Variants in C12orf50 observed in about 807,000 individuals in gnomAD.
C12orf50 encodes uncharacterized protein C12orf50.
C12orf50 carries 35 observed loss-of-function variants against 61.6 expected under a neutral mutation model. The ratio of observed to expected loss-of-function variants is 0.57; its 90% confidence interval spans 0.43 to 0.75. The LOEUF is 0.75. C12orf50 is among the 30% of genes least tolerant of loss of function. The pLI, the probability that C12orf50 is intolerant of heterozygous loss-of-function variation, is 0.00. For synonymous variants in C12orf50, 178 were observed against 161.5 expected (o/e 1.10, Z -0.77); for missense variants, 475 against 488.5 (o/e 0.97, Z 0.26).
intron 11 of C12orf50, chr12:87,983,923 T>A (rs1013654890): frequency 1.8e-5 from 2 of 111,490 alleles, no homozygotes; most frequent in African/African-American, 5.0e-5. Flanking sequence ...GATGGCTGGG[T>A]CAAATGGTAT....
chr12:88,010,681 A>T (rs1458568521), intron 3 of C12orf50, among the ~76,000 whole-genome samples: 1 of 151,884 alleles, frequency 6.6e-6, no homozygotes, highest in Non-Finnish European at 1.5e-5. Flanking sequence ...AATAAAGACC[A>T]CTGCTCATCA....
intron 3 of C12orf50, among the ~76,000 whole-genome samples, chr12:88,006,225 T>A (rs1199655673): frequency 1.3e-5 from 2 of 152,122 alleles, no homozygotes; most frequent in Non-Finnish European, 2.9e-5. Context: ...CCAAAAGAAC[T>A]CTTTTTAACT....
chr12:88,006,226 C>G (rs188600740), intron 3 of C12orf50, among the ~76,000 whole-genome samples: 1 of 152,054 alleles, frequency 6.6e-6, no homozygotes, highest in Non-Finnish European at 1.5e-5. Context: ...CAAAAGAACT[C>G]TTTTTAACTG....
At chr12:87,980,579 C>T (rs2030410194) in intron 12 of C12orf50, among the ~76,000 whole-genome samples, 1 of 152,056 alleles carries the variant, frequency 6.6e-6, no homozygotes, top group African/African-American at 2.4e-5. Context: ...ATGGAAGTGA[C>T]ACCGTATATA....
intron 3 of C12orf50, among the ~76,000 whole-genome samples, chr12:88,018,480 G>C (rs1243837403): frequency 6.6e-6 from 1 of 152,248 alleles, no homozygotes; most frequent in Admixed American, 6.5e-5. Context: ...CAGTGTGGAA[G>C]GGAAATGTGG....
intron 11 of C12orf50, 140 bp from the exon 12 acceptor site, chr12:87,983,335 G>T (rs74825561): frequency 2.1e-6 from 1 of 472,686 alleles, no homozygotes; most frequent in Non-Finnish European, 3.7e-6. Flanking sequence ...AGGCATCAGG[G>T]ATACAAGTGA....
intron 3 of C12orf50, among the ~76,000 whole-genome samples, chr12:88,014,777 C>A (rs184336409): frequency 6.6e-6 from 1 of 152,050 alleles, no homozygotes; most frequent in Non-Finnish European, 1.5e-5. Flanking sequence ...AAATCAGGCA[C>A]GAAAATTATC....
At chr12:88,019,179 G>A (rs368476550) in intron 3 of C12orf50, among the ~76,000 whole-genome samples, 4 of 150,872 alleles carry the variant, frequency 2.7e-5, no homozygotes, top group Admixed American at 6.6e-5. Context: ...TCGATGGGAG[G>A]TAATTGAATC....
Position 87,996,588 on chromosome 12 carries a change from C to T in C12orf50, c.348G>A (p.Lys116=). The T allele has an allele frequency of 6.2e-7, 1 of 1,609,020 alleles. No individual in the cohort carries two copies. Among genetic ancestry groups the T allele is most frequent in the Admixed American group, 1.7e-5 (1 of 59,950 alleles). The stretch of plus-strand genomic sequence containing the variant: ...TCTTACCAGATTTATAACACATCTC[C>T]TTTATTGCTCTTTTTTCTTCAATTT... The part of the protein sequence containing the change: ...PEEIEEKRAI[K]EMCYKSGEYY... Residue 116 remains lysine (K), a synonymous_variant, in exon 5 of 13, where the codon AAG becomes AAA. Coordinates refer to ENST00000298699, the MANE Select transcript of C12orf50 (RefSeq NM_152589.3).
intron 3 of C12orf50, among the ~76,000 whole-genome samples, chr12:88,015,392 A>T (rs2032274857): frequency 6.6e-6 from 1 of 152,250 alleles, no homozygotes; most frequent in South Asian, 2.1e-4. Context: ...TTTAATTTAA[A>T]GTGGCCAAAT....
At position 87,996,393 on chromosome 12, in the gene C12orf50, A is replaced by G. The variant is rs770146163; in HGVS notation, c.462T>C (p.Asn154=). The G allele has an allele frequency of 3.7e-6, 6 of 1,611,582 alleles. No individual in the cohort carries two copies. The highest frequency in any genetic ancestry group is 4.2e-6 in the Non-Finnish European group (5 of 1,178,046). Residue 154 remains asparagine (N), a synonymous_variant, in exon 6 of 13, where the codon AAT becomes AAC. Coordinates refer to ENST00000298699, the MANE Select transcript of C12orf50 (RefSeq NM_152589.3). ...AEKQLEKPLE[N]GSELQEGDSL... is the part of the protein sequence containing the mutation. Reference sequence around the variant, plus strand: ...TCTTACCTTCTTGCAATTCACTGCCATTTTCCAAAGGCTTTTCTAACTGTT... The same window carrying G: ...TCTTACCTTCTTGCAATTCACTGCCGTTTTCCAAAGGCTTTTCTAACTGTT...
Position 87,985,903 on chromosome 12 carries a change from C to T in C12orf50, c.1073G>A (p.Gly358Glu). The change falls in exon 11 of 13, where the codon GGG (glycine) becomes GAG (glutamate). Residue 358 changes from glycine (G) to glutamate (E), a missense_variant. Coordinates refer to ENST00000298699, the MANE Select transcript of C12orf50 (RefSeq NM_152589.3). ...NAPSRSRPTH[G>E]SYNKVHANRE... ...GTTAGCATGGACTTTATTGTAGGACCCATGCGTGGGCCTGCTGCGGGAAGG... is the reference window on the plus strand; with the variant it reads ...GTTAGCATGGACTTTATTGTAGGACTCATGCGTGGGCCTGCTGCGGGAAGG... 1 of 1,613,650 alleles carries T rather than the reference C, an allele frequency of 6.2e-7. No homozygotes were observed. The highest frequency in any genetic ancestry group is 8.5e-7 in the Non-Finnish European group (1 of 1,179,864).
intron 11 of C12orf50, chr12:87,983,461 A>G (rs2030629143): frequency 5.1e-6 from 1 of 197,380 alleles, no homozygotes; most frequent in African/African-American, 2.4e-5. Context: ...TTACATATGT[A>G]TACATGTGCC....
At chr12:87,980,623 A>G (rs945211976) in intron 12 of C12orf50, among the ~76,000 whole-genome samples, 1 of 152,116 alleles carries the variant, frequency 6.6e-6, no homozygotes, top group Non-Finnish European at 1.5e-5. Context: ...AATGAACAGA[A>G]CGAAGGCTCC....
chr12:87,980,079 A>C lies in C12orf50; in HGVS notation c.*252T>G, dbSNP rs1592638650. The C allele has an allele frequency of 5.9e-5, 28 of 475,954 alleles. 1 individual carries two copies. The East Asian group carries it at 8.6e-4, about 15-fold the overall frequency. The allele number at this position is 475,954 out of a possible 1,614,324, so 29.5% of individuals were successfully genotyped here. On this transcript the variant is annotated 3_prime_UTR_variant, in exon 13 of 13. Transcript: ENST00000298699. ...AAATTTTATTAAAATGTTTGGAGTA[A>C]TGCACGGAATGAATTCCAGACCTAC...
intron 3 of C12orf50, among the ~76,000 whole-genome samples, chr12:88,011,876 G>C (rs1443089423): frequency 6.6e-6 from 1 of 152,124 alleles, no homozygotes; most frequent in African/African-American, 2.4e-5. Context: ...AAATCAAATT[G>C]AGTTGGGTTT....
At position 87,996,493 on chromosome 12, in the gene C12orf50, C is replaced by G. The variant is rs745974674; in HGVS notation, c.368-6G>C. On this transcript the variant is annotated splice_region_variant and splice_polypyrimidine_tract_variant and intron_variant, in intron 5 of 12. Transcript: ENST00000298699. ...ATGAAATCTGTAGTATTCCCCTAAT[C>G]AACCATAAGAAAAGTAATGGTTAGT... The G allele has an allele frequency of 5.6e-6, 9 of 1,603,250 alleles. No homozygotes were observed. In the South Asian group the frequency reaches 7.7e-5, roughly 14 times the overall value.
At chr12:88,011,690 C>T (rs1402632790) in intron 3 of C12orf50, among the ~76,000 whole-genome samples, 1 of 152,108 alleles carries the variant, frequency 6.6e-6, no homozygotes, top group Non-Finnish European at 1.5e-5. Context: ...TTAATATTTG[C>T]CTATTCTGCT....
intron 11 of C12orf50, 130 bp downstream of exon 11, chr12:87,985,720 T>G (rs1014248502): frequency 1.5e-5 from 13 of 846,550 alleles, no homozygotes; most frequent in Admixed American, 8.8e-5. Context: ...TCTCACTAGT[T>G]TCTATGGTGG....
Sources: gnomAD v4.1 joint callset for allele counts (sites outside exome capture counted in the v4.1 genomes callset) on GRCh38, gnomAD v4.1.1 for gene constraint, MANE v1.5 for transcripts, NCBI Gene and HGNC (gene_info 2026-07-23, HGNC 2026-07-21) for gene names.